The following UNC5C variants were observed in gnomAD, a reference collection of about 807,000 sequenced individuals.
UNC5C encodes the protein netrin receptor UNC5C.
A neutral mutation model predicts 99.8 loss-of-function variants in UNC5C; 47 were observed. That is an observed-to-expected ratio of 0.47 (90% confidence interval 0.37 to 0.60). UNC5C has a LOEUF of 0.60. Among genes scored for constraint, UNC5C ranks in the 20% least tolerant of loss-of-function variants. The pLI, the probability that UNC5C is intolerant of heterozygous loss-of-function variation, is 0.00. For missense variants in UNC5C, 1,062 were observed against 1,165.9 expected (o/e 0.91, Z 1.30); for synonymous variants, 487 against 452.2 (o/e 1.08, Z -0.98).
intron 1 of UNC5C, among the ~76,000 whole-genome samples, chr4:95,397,679 A>G (rs1745555121): frequency 6.6e-6 from 1 of 152,252 alleles, no homozygotes; most frequent in African/African-American, 2.4e-5. Context: ...ACATGAACGT[A>G]CATGATGTGG....
In UNC5C at chr4:95,328,588, G is replaced by A. The variant is rs550344744; in HGVS notation, c.346+6822C>T. 7.0e-5 allele frequency among the ~76,000 whole-genome samples: 10 copies of A among 143,114 alleles called. No homozygotes were observed. The South Asian group carries it at 2.0e-3, about 29-fold the overall frequency. The allele number at this position is 143,114 out of a possible 152,430, so 93.9% of individuals were successfully genotyped here. A position where few individuals can be genotyped will look rare whatever the true frequency, so the allele number is the denominator to read the frequency against. Reference sequence around the variant, plus strand: ...TCCTTTGGGTATATACCCAGTAATGGGATGGCTGGGTCAAATGGTATTTCT... The same window carrying A: ...TCCTTTGGGTATATACCCAGTAATGAGATGGCTGGGTCAAATGGTATTTCT... On this transcript the variant is annotated intron_variant, in intron 2 of 15. Coordinates refer to ENST00000453304, the MANE Select transcript of UNC5C (RefSeq NM_003728.4).
chr4:95,504,692 C>T (rs1438472996), intron 1 of UNC5C, among the ~76,000 whole-genome samples: 2 of 152,022 alleles, frequency 1.3e-5, no homozygotes, highest in Non-Finnish European at 2.9e-5. Flanking sequence ...AATGCTGACA[C>T]ATTATAACAA....
At chr4:95,529,366 T>C (rs554243780) in intron 1 of UNC5C, among the ~76,000 whole-genome samples, 1 of 147,458 alleles carries the variant, frequency 6.8e-6, no homozygotes, top group East Asian at 1.9e-4. Context: ...ATTATATATA[T>C]ACATAAAAAA....
chr4:95,200,783 C>T lies in UNC5C; in HGVS notation c.2136+1948G>A, dbSNP rs187358180. On this transcript the variant is annotated intron_variant, in intron 12 of 15. Coordinates refer to ENST00000453304, the MANE Select transcript of UNC5C (RefSeq NM_003728.4). ...AGAGAACCATATCCGTATTTCTAAC[C>T]GTGCCTTGGGCATCTTTTATACCTC... Among the ~76,000 whole-genome samples the T allele has an allele frequency of 1.8e-3, 275 of 152,194 alleles. 2 individuals carry two copies. Among genetic ancestry groups the T allele is most frequent in the Non-Finnish European group, 1.7e-3 (116 of 68,018 alleles).
At position 95,474,905 on chromosome 4, in the gene UNC5C, A is replaced by T. The variant is rs146473004; in HGVS notation, c.124+73829T>A. ...ACTCTTCTGACTTCTAACACCACAGATGACTCTTTCCACAGTTTTAAGACT... is the reference window on the plus strand; with the variant it reads ...ACTCTTCTGACTTCTAACACCACAGTTGACTCTTTCCACAGTTTTAAGACT... On this transcript the variant is annotated intron_variant, in intron 1 of 15. Coordinates refer to ENST00000453304, the MANE Select transcript of UNC5C (RefSeq NM_003728.4). Among the ~76,000 whole-genome samples, 1,222 of 152,178 alleles carry T rather than the reference A, an allele frequency of 8.0e-3. 7 individuals are homozygous for T. Among genetic ancestry groups the T allele is most frequent in the Non-Finnish European group, 0.012 (848 of 67,998 alleles).
At chr4:95,297,792 T>C (rs959483766) in intron 3 of UNC5C, among the ~76,000 whole-genome samples, 1 of 152,218 alleles carries the variant, frequency 6.6e-6, no homozygotes, top group Admixed American at 6.5e-5. Flanking sequence ...TACTTTTAAA[T>C]ATATCTGAAA....
chr4:95,265,720 CT>C (rs918866133), intron 4 of UNC5C, among the ~76,000 whole-genome samples: 5 of 152,000 alleles, frequency 3.3e-5, no homozygotes, highest in Non-Finnish European at 2.9e-5. Flanking sequence ...GTCAAAAAAA[CT>C]TTTTTTTGTT....
rs749922683 is a variant in UNC5C, at chr4:95,245,163, T to G, written c.776-19A>C. The G allele has an allele frequency of 1.9e-6, 3 of 1,605,868 alleles. No individual in the cohort carries two copies. The highest frequency in any genetic ancestry group is 1.1e-5 in the South Asian group (1 of 89,652). On this transcript the variant is annotated intron_variant, in intron 5 of 15. Transcript: ENST00000453304. ...CCGTTGACTGAAAGGAGGCAAACAG[T>G]AAAAAGTGGATTAAACATGTGTGCA...
At chr4:95,436,747 A>G (rs1244089563) in intron 1 of UNC5C, among the ~76,000 whole-genome samples, 1 of 151,976 alleles carries the variant, frequency 6.6e-6, no homozygotes, top group Non-Finnish European at 1.5e-5. Context: ...TAATAAAACA[A>G]TTGAGGAAGG....
chr4:95,163,247 C>A lies in UNC5C; in HGVS notation c.*5987G>T, dbSNP rs930364441. 7.9e-5 allele frequency: 12 copies of A among 152,334 alleles called. No homozygotes were observed. Among genetic ancestry groups the A allele is most frequent in the African/African-American group, 2.9e-4 (12 of 41,576 alleles). The allele number at this position is 152,334 out of a possible 1,614,324, so 9.4% of individuals were successfully genotyped here. ...GTAGACATCTGAGTTTTTACCCCTA[C>A]ATGTACAGATGCCATTTGTTACTTT... On this transcript the variant is annotated 3_prime_UTR_variant, in exon 16 of 16. Coordinates refer to ENST00000453304, the MANE Select transcript of UNC5C (RefSeq NM_003728.4).
intron 14 of UNC5C, 123 bp downstream of exon 14, chr4:95,182,774 A>T: frequency 9.8e-7 from 1 of 1,017,080 alleles, no homozygotes; most frequent in East Asian, 2.5e-5. Context: ...AACAAATAGG[A>T]TCTATAGAAA....
intron 7 of UNC5C, among the ~76,000 whole-genome samples, chr4:95,232,577 G>T (rs1216565938): frequency 1.3e-5 from 2 of 152,116 alleles, no homozygotes; most frequent in Admixed American, 1.3e-4. Flanking sequence ...TGCTGGCTTG[G>T]TGGCACCTTT....
At position 95,327,087 on chromosome 4, in the gene UNC5C, T is replaced by G. The variant is rs17023549; in HGVS notation, c.346+8323A>C. Among the ~76,000 whole-genome samples the G allele has an allele frequency of 2.8e-3, 421 of 152,320 alleles. 1 individual carries two copies. Among genetic ancestry groups the G allele is most frequent in the African/African-American group, 9.7e-3 (403 of 41,566 alleles). On this transcript the variant is annotated intron_variant, in intron 2 of 15. Transcript: ENST00000453304. ...TTCAAGACTTAATGTATTCTAACAT[T>G]TCTTGCTATTAAGAACCACTAAGTC...
intron 1 of UNC5C, among the ~76,000 whole-genome samples, chr4:95,466,044 T>A (rs1466468517): frequency 6.6e-6 from 1 of 152,264 alleles, no homozygotes; most frequent in East Asian, 1.9e-4. Context: ...TAAGTATGTG[T>A]TTCAATCATA....
chr4:95,193,355 C>T (rs1737234856), intron 12 of UNC5C, among the ~76,000 whole-genome samples: 2 of 152,190 alleles, frequency 1.3e-5, no homozygotes, highest in Admixed American at 1.3e-4. Flanking sequence ...TTTCTGGCTC[C>T]TGGAGATAGA....
chr4:95,408,957 G>A (rs2149451065), intron 1 of UNC5C, among the ~76,000 whole-genome samples: 1 of 152,288 alleles, frequency 6.6e-6, no homozygotes, highest in Middle Eastern at 3.4e-3. Context: ...AACAGACTGA[G>A]ATAGCCAATG....
intron 1 of UNC5C, among the ~76,000 whole-genome samples, chr4:95,358,460 G>A (rs914522272): frequency 6.6e-6 from 1 of 152,170 alleles, no homozygotes; most frequent in African/African-American, 2.4e-5. Flanking sequence ...GAAGAAGATG[G>A]TAAGGGTATG....
intron 7 of UNC5C, among the ~76,000 whole-genome samples, chr4:95,230,291 T>C (rs1341708132): frequency 6.6e-6 from 1 of 152,066 alleles, no homozygotes; most frequent in Non-Finnish European, 1.5e-5. Flanking sequence ...TTTGATGGGG[T>C]TGTTTTTTTC....
intron 1 of UNC5C, among the ~76,000 whole-genome samples, chr4:95,353,034 A>G (rs564282434): frequency 1.3e-5 from 2 of 152,134 alleles, no homozygotes; most frequent in South Asian, 2.1e-4. Context: ...TGGTGATTCT[A>G]TTTTCCATCA....
Sources: allele counts gnomAD v4.1 joint callset (sites outside exome capture counted in the v4.1 genomes callset), GRCh38; gene constraint gnomAD v4.1.1; transcripts MANE v1.5; gene names NCBI Gene and HGNC (gene_info 2026-07-23, HGNC 2026-07-21).